ACAD9: variants seen among roughly 807,000 people sequenced by gnomAD.
ACAD9 encodes acyl-CoA dehydrogenase family member 9, also known as complex I assembly factor ACAD9, mitochondrial.
A neutral mutation model predicts 70.2 loss-of-function variants in ACAD9; 53 were observed. The ratio of observed to expected loss-of-function variants is 0.75; its 90% CI spans 0.61 to 0.95. The LOEUF (loss-of-function observed/expected upper bound fraction) is 0.95. Ranked by LOEUF, ACAD9 falls within the 40% of genes least tolerant of loss-of-function variation. The pLI is 0.00. For synonymous variants in ACAD9, 313 were observed against 312.1 expected, an observed-to-expected ratio of 1.00 and a Z score of -0.03; for missense variants, 777 against 802.8, an observed-to-expected ratio of 0.97 and a Z score of 0.39.
In ACAD9 at chr3:128,897,645, G is replaced by C; in HGVS notation, c.568G>C (p.Ala190Pro). The C allele has an allele frequency of 1.2e-6, 2 of 1,613,656 alleles. No homozygotes were observed. Among genetic ancestry groups the C allele is most frequent in the Non-Finnish European group, 1.7e-6 (2 of 1,179,790 alleles). ...LTEPASGSDA[A>P]SIRSRATLSE... ...CTGCATCTGCAGTGGGAGCGATGCA[G>C]CCTCAATCCGGAGCAGAGCCACACT... Residue 190 changes from alanine (A) to proline (P), a missense_variant, in exon 6 of 18, where the codon GCC becomes CCC. Physicochemically the swap from Ala to Pro is conservative, Grantham distance 27. Coordinates refer to ENST00000308982, the MANE Select transcript of ACAD9 (RefSeq NM_014049.5).
In ACAD9 at chr3:128,912,802, G is replaced by A; in HGVS notation, c.*195G>A. The A allele has an allele frequency of 1.4e-6, 1 of 729,398 alleles. No homozygotes were observed. Among genetic ancestry groups the A allele is most frequent in the Non-Finnish European group, 2.5e-6 (1 of 395,952 alleles). The allele number at this position is 729,398 out of a possible 1,614,324, so 45.2% of individuals were successfully genotyped here. On this transcript the variant is annotated 3_prime_UTR_variant, in exon 18 of 18. Transcript: ENST00000308982. ...GACCTGCAGGCAGTGCTCTCTAACA[G>A]GACCATCACAGCTTCTGAACTGAGC...
At chr3:128,899,188 G>T in intron 6 of ACAD9, 99 bp from the exon 7 acceptor site, 1 of 1,306,266 alleles carries the variant, frequency 7.7e-7, no homozygotes, top group Non-Finnish European at 1.1e-6. Flanking sequence ...TGTCTGGCCT[G>T]AGGTCTGACT....
Position 128,909,338 on chromosome 3 carries a change from T to A in ACAD9, c.1486-6T>A. On this transcript the variant is annotated splice_region_variant and splice_polypyrimidine_tract_variant and intron_variant, in intron 14 of 17. Coordinates refer to ENST00000308982, the MANE Select transcript of ACAD9 (RefSeq NM_014049.5). ...GTGCTGAACTGAGTCCTGTCTTGGT[T>A]AATAGGACAGTGCCAACAAGTTTGA... The A allele has an allele frequency of 6.2e-7, 1 of 1,614,136 alleles. No individual in the cohort carries two copies. The highest frequency in any genetic ancestry group is 1.3e-5 in the African/African-American group (1 of 75,050).
chr3:128,893,522 A>T, intron 2 of ACAD9, 33 bp from the exon 3 acceptor site: 1 of 1,468,932 alleles, frequency 6.8e-7, no homozygotes, highest in Non-Finnish European at 9.5e-7. Context: ...AACATAGCTT[A>T]TATTTGTTTA....
chr3:128,911,877 CAG>C (rs1936366297), intron 17 of ACAD9, among the ~76,000 whole-genome samples: 1 of 152,244 alleles, frequency 6.6e-6, no homozygotes, highest in African/African-American at 2.4e-5. Flanking sequence ...CAGTGCCCTG[CAG>C]AGGTCTCAGG....
chr3:128,904,891 T>A (rs183825334), intron 11 of ACAD9, among the ~76,000 whole-genome samples: 91 of 152,280 alleles, frequency 6.0e-4, no homozygotes, highest in Non-Finnish European at 1.1e-3. Context: ...ACACCTGTAA[T>A]CCCAGCACTT....
chr3:128,901,648 C>A (rs1423931495), intron 8 of ACAD9, among the ~76,000 whole-genome samples: 1 of 152,236 alleles, frequency 6.6e-6, no homozygotes, highest in Non-Finnish European at 1.5e-5. Context: ...TCTGGTGAAT[C>A]TCAAGCTCTG....
intron 2 of ACAD9, among the ~76,000 whole-genome samples, chr3:128,885,434 C>T (rs931504237): frequency 6.6e-6 from 1 of 152,178 alleles, no homozygotes; most frequent in Non-Finnish European, 1.5e-5. Flanking sequence ...CTCTGTTGCT[C>T]AGACTGGAGT....
In ACAD9 at chr3:128,906,104, A is replaced by C; in HGVS notation, c.1150-17A>C. On this transcript the variant is annotated splice_polypyrimidine_tract_variant and intron_variant, in intron 11 of 17. Transcript: ENST00000308982. ...TAGGTCCTCCTTTTGGAAAGGATTC[A>C]GTGTGACACCCCACAGGTGTTCAGC... is the stretch of plus-strand genomic sequence containing the variant. 1 of 1,614,130 alleles carries C rather than the reference A, an allele frequency of 6.2e-7. No individual in the cohort carries two copies. The highest frequency in any genetic ancestry group is 8.5e-7 in the Non-Finnish European group (1 of 1,180,034).
chr3:128,889,582 T>C (rs1935358306), intron 2 of ACAD9, among the ~76,000 whole-genome samples: 1 of 152,246 alleles, frequency 6.6e-6, no homozygotes, highest in African/African-American at 2.4e-5. Flanking sequence ...TCTCTCACTA[T>C]AGATTAGTTC....
chr3:128,895,628 C>T (rs926505826), intron 4 of ACAD9, among the ~76,000 whole-genome samples: 3 of 152,228 alleles, frequency 2.0e-5, no homozygotes, highest in Non-Finnish European at 4.4e-5. Flanking sequence ...CATGTCCCTT[C>T]CTTCTGAATC....
intron 2 of ACAD9, among the ~76,000 whole-genome samples, chr3:128,890,319 C>G (rs1341610717): frequency 6.6e-6 from 1 of 152,096 alleles, no homozygotes; most frequent in Non-Finnish European, 1.5e-5. Context: ...CTCCTGACCT[C>G]AGGTGATCTG....
At position 128,879,987 on chromosome 3, in the gene ACAD9, T is replaced by C. The variant is rs550765083; in HGVS notation, c.150+146T>C. 3.2e-6 allele frequency: 5 copies of C among 1,552,772 alleles called. No homozygotes were observed. In the East Asian group the frequency reaches 1.2e-4, roughly 38 times the overall value. On this transcript the variant is annotated intron_variant, in intron 1 of 17. Coordinates refer to ENST00000308982, the MANE Select transcript of ACAD9 (RefSeq NM_014049.5). Reference sequence around the variant, plus strand: ...GAGGCGTGTTAACACTCCGGATTCCTGAGTTCCAGGAAAACCTTCCCAGAG... The same window carrying C: ...GAGGCGTGTTAACACTCCGGATTCCCGAGTTCCAGGAAAACCTTCCCAGAG...
intron 17 of ACAD9, 51 bp downstream of exon 17, chr3:128,910,864 T>G: frequency 6.3e-7 from 1 of 1,591,476 alleles, no homozygotes; most frequent in Non-Finnish European, 8.6e-7. Flanking sequence ...TCTAGGCCCC[T>G]ATTGATGGTG....
chr3:128,889,166 TAAA>T (rs567559276), intron 2 of ACAD9, among the ~76,000 whole-genome samples: 1 of 141,856 alleles, frequency 7.0e-6, no homozygotes, highest in African/African-American at 2.6e-5. Context: ...TTGTTTTCCT[TAAA>T]AAAAAAAAAA....
chr3:128,909,464 A>G (rs1936044304), intron 15 of ACAD9, 43 bp downstream of exon 15: 1 of 1,593,910 alleles, frequency 6.3e-7, no homozygotes, highest in Non-Finnish European at 8.6e-7. Context: ...CGGTCCTCCA[A>G]TTTGGCCAGC....
At chr3:128,891,359 G>A (rs971909564) in intron 2 of ACAD9, among the ~76,000 whole-genome samples, 1 of 152,092 alleles carries the variant, frequency 6.6e-6, no homozygotes, top group African/African-American at 2.4e-5. Flanking sequence ...GGTGGCTCAT[G>A]CCCGTAATGC....
At chr3:128,906,085 C>T (rs750442469) in intron 11 of ACAD9, 36 bp from the exon 12 acceptor site, 4 of 1,613,884 alleles carry the variant, frequency 2.5e-6, no homozygotes, top group African/African-American at 1.3e-5. Flanking sequence ...AGCGTAGGTC[C>T]TCCTTTTGGA....
At chr3:128,884,004 A>T (rs789231) in intron 1 of ACAD9, among the ~76,000 whole-genome samples, 2 of 151,956 alleles carry the variant, frequency 1.3e-5, no homozygotes, top group Non-Finnish European at 2.9e-5. Flanking sequence ...CATGCTGGCA[A>T]TTGAAGGGGT....
Sources: gnomAD v4.1 joint callset for allele counts (sites outside exome capture counted in the v4.1 genomes callset) on GRCh38, gnomAD v4.1.1 for gene constraint, MANE v1.5 for transcripts, NCBI Gene and HGNC (gene_info 2026-07-23, HGNC 2026-07-21) for gene names.